The following LRP1B variants were observed in gnomAD, a reference collection of about 807,000 sequenced individuals.
The protein encoded by LRP1B is low-density lipoprotein receptor-related protein 1B.
A neutral mutation model predicts 556.6 loss-of-function variants in LRP1B; 217 were observed. The observed-to-expected ratio is 0.39, with a 90% CI of 0.35 to 0.44. LRP1B has a LOEUF of 0.44. LRP1B is among the 20% of genes least tolerant of loss of function. The probability of loss-of-function intolerance (pLI) is 1.00; values close to 1 mark genes in which losing one functional copy is unlikely to be tolerated. For synonymous variants in LRP1B, 2,047 were observed against 1,865.8 expected, an observed-to-expected ratio of 1.10 and a Z score of -2.50; for missense variants, 5,053 against 5,620.8, an observed-to-expected ratio of 0.90 and a Z score of 3.23.
At chr2:141,954,918 T>C (rs1701206353) in intron 1 of LRP1B, among the ~76,000 whole-genome samples, 1 of 151,826 alleles carries the variant, frequency 6.6e-6, no homozygotes, top group Admixed American at 6.6e-5. Context: ...ACTTATGGGA[T>C]GTGTCAGACA....
intron 72 of LRP1B, among the ~76,000 whole-genome samples, chr2:140,362,478 C>T (rs1210339710): frequency 6.6e-6 from 1 of 151,644 alleles, no homozygotes; most frequent in African/African-American, 2.4e-5. Flanking sequence ...GTCAAACACA[C>T]ACTGTCAATT....
chr2:140,666,272 CA>C (rs940893980), intron 41 of LRP1B, among the ~76,000 whole-genome samples: 2 of 148,774 alleles, frequency 1.3e-5, no homozygotes, highest in African/African-American at 5.0e-5. Flanking sequence ...GGATTATAGG[CA>C]AAATTTTTTA....
At chr2:141,228,816 T>C (rs1437161165) in intron 6 of LRP1B, among the ~76,000 whole-genome samples, 2 of 152,190 alleles carry the variant, frequency 1.3e-5, no homozygotes, top group Admixed American at 6.6e-5. Flanking sequence ...TATTTTTAAC[T>C]ACAGTCAATG....
intron 3 of LRP1B, among the ~76,000 whole-genome samples, chr2:141,278,324 G>A (rs973204486): frequency 1.1e-4 from 17 of 151,918 alleles, no homozygotes; most frequent in African/African-American, 4.1e-4. Context: ...TCCTTGCTTC[G>A]GGCCTGGCAA....
intron 1 of LRP1B, among the ~76,000 whole-genome samples, chr2:141,980,367 G>A (rs893484809): frequency 2.6e-5 from 4 of 152,070 alleles, no homozygotes; most frequent in Admixed American, 6.6e-5. Context: ...GCACAATTAC[G>A]TGGGTTTAAG....
chr2:141,133,818 C>A (rs1701422471), intron 7 of LRP1B, among the ~76,000 whole-genome samples: 1 of 151,962 alleles, frequency 6.6e-6, no homozygotes, highest in African/African-American at 2.4e-5. Flanking sequence ...ATGGCTTCAA[C>A]TACTCATGAT....
chr2:141,750,720 T>C (rs1055529734), intron 2 of LRP1B, among the ~76,000 whole-genome samples: 1 of 152,132 alleles, frequency 6.6e-6, no homozygotes, highest in Non-Finnish European at 1.5e-5. Context: ...TTTAAAATTA[T>C]GTTGTATGAT....
intron 2 of LRP1B, among the ~76,000 whole-genome samples, chr2:141,490,380 T>TG (rs1574007006): frequency 8.9e-6 from 1 of 112,720 alleles, no homozygotes; most frequent in East Asian, 2.2e-4. Context: ...CGTGTGTGTG[T>TG]GTGTGTGTGT....
chr2:141,073,596 A>T (rs2105487444), intron 7 of LRP1B, among the ~76,000 whole-genome samples: 1 of 152,198 alleles, frequency 6.6e-6, no homozygotes, highest in East Asian at 1.9e-4. Context: ...ACTCATAAAC[A>T]CAGTTGTTTT....
intron 57 of LRP1B, among the ~76,000 whole-genome samples, chr2:140,491,458 G>A (rs1353504052): frequency 6.6e-6 from 1 of 151,940 alleles, no homozygotes; most frequent in Non-Finnish European, 1.5e-5. Flanking sequence ...TGTGTCTGAT[G>A]CACCTAACTT....
intron 3 of LRP1B, among the ~76,000 whole-genome samples, chr2:141,369,837 C>G (rs983978262): frequency 3.3e-5 from 5 of 152,178 alleles, no homozygotes; most frequent in African/African-American, 1.2e-4. Flanking sequence ...TCATTCCATA[C>G]TCTGCTTCCA....
At chr2:141,848,681 A>G (rs1015808286) in intron 1 of LRP1B, among the ~76,000 whole-genome samples, 2 of 151,606 alleles carry the variant, frequency 1.3e-5, no homozygotes, top group African/African-American at 2.4e-5. Flanking sequence ...CAAAAACATT[A>G]TATTTATATA....
At chr2:140,729,184 G>C (rs1687693711) in intron 35 of LRP1B, among the ~76,000 whole-genome samples, 1 of 151,990 alleles carries the variant, frequency 6.6e-6, no homozygotes, top group African/African-American at 2.4e-5. Context: ...TTCAGAAATA[G>C]AAAATTCTGT....
chr2:140,349,396 C>T (rs983282403), intron 77 of LRP1B, among the ~76,000 whole-genome samples: 2 of 151,262 alleles, frequency 1.3e-5, no homozygotes, highest in African/African-American at 4.9e-5. Flanking sequence ...ATGTCATTAC[C>T]ATCATCAACA....
At chr2:140,285,324 C>T (rs141428617) in intron 84 of LRP1B, among the ~76,000 whole-genome samples, 3 of 81,024 alleles carry the variant, frequency 3.7e-5, no homozygotes, top group Non-Finnish European at 1.1e-4. Context: ...CATACACACA[C>T]ATATACACAT....
chr2:141,750,157 A>G (rs1034438884), intron 2 of LRP1B, among the ~76,000 whole-genome samples: 1 of 152,114 alleles, frequency 6.6e-6, no homozygotes, highest in East Asian at 1.9e-4. Flanking sequence ...ACCAATTTCC[A>G]GAGCGAAGCA....
chr2:141,254,157 C>A (rs889764938), intron 4 of LRP1B, among the ~76,000 whole-genome samples: 1 of 152,020 alleles, frequency 6.6e-6, no homozygotes, highest in Non-Finnish European at 1.5e-5. Context: ...AAGAACATTA[C>A]ATGATTAGCA....
At chr2:141,979,496 C>A (rs571488001) in intron 1 of LRP1B, among the ~76,000 whole-genome samples, 1 of 152,104 alleles carries the variant, frequency 6.6e-6, no homozygotes, top group Non-Finnish European at 1.5e-5. Context: ...GTAGACTCAC[C>A]AACATATTAA....
intron 75 of LRP1B, among the ~76,000 whole-genome samples, chr2:140,355,048 G>C (rs1573836288): frequency 6.6e-6 from 1 of 151,510 alleles, no homozygotes; most frequent in African/African-American, 2.4e-5. Context: ...CATTTTATTA[G>C]AGTTCAGAAG....
Sources: gnomAD v4.1 joint callset for allele counts (sites outside exome capture counted in the v4.1 genomes callset) on GRCh38, gnomAD v4.1.1 for gene constraint, MANE v1.5 for transcripts, NCBI Gene and HGNC (gene_info 2026-07-23, HGNC 2026-07-21) for gene names.